HSPG2: variants seen among roughly 807,000 people sequenced by gnomAD.
The protein encoded by HSPG2 is basement membrane-specific heparan sulfate proteoglycan core protein.
In HSPG2, 278 loss-of-function variants were observed where a neutral mutation model predicts 526.6. The observed-to-expected ratio is 0.53, with a 90% CI of 0.48 to 0.58. HSPG2 has a LOEUF of 0.58. HSPG2 is among the 20% of genes least tolerant of loss of function. The pLI, the probability that HSPG2 is intolerant of heterozygous loss-of-function variation, is 0.00. For synonymous variants in HSPG2, 2,465 were observed against 2,555.4 expected (o/e 0.96, Z 1.07); for missense variants, 5,354 against 6,099.5 (o/e 0.88, Z 4.07).
At position 21,880,223 on chromosome 1, in the gene HSPG2, C is replaced by T. The variant is rs2152753793; in HGVS notation, c.2227G>A (p.Glu743Lys). Residue 743 changes from glutamate to lysine, a missense_variant, in exon 17 of 97, where the codon GAG (glutamate) becomes AAG (lysine). Glu to Lys is a moderately conservative substitution (Grantham distance 56). Transcript: ENST00000374695. ...CGAGTGAAGTGGGCATCACAGCTCT[C>T]GCAGGACAAGCCAGAATAGCCAATG... is the stretch of plus-strand genomic sequence containing the variant. Reference protein sequence around the residue: ...CPIGYSGLSCESCDAHFTRVP... With the variant: ...CPIGYSGLSCKSCDAHFTRVP... 6.2e-7 allele frequency: 1 copy of T among 1,614,160 alleles called. No individual in the cohort carries two copies. The highest frequency in any genetic ancestry group is 8.5e-7 in the Non-Finnish European group (1 of 1,180,042).
At chr1:21,825,786 TTTTA>T (rs149602232) in intron 91 of HSPG2, among the ~76,000 whole-genome samples, 7,607 of 152,202 alleles carry the variant, frequency 0.05, 249 homozygotes, top group South Asian at 0.097. Context: ...ATAATTTTTA[TTTTA>T]TTTATTTATT....
intron 1 of HSPG2, among the ~76,000 whole-genome samples, chr1:21,931,965 C>T (rs899650666): frequency 6.6e-6 from 1 of 152,194 alleles, no homozygotes; most frequent in African/African-American, 2.4e-5. Flanking sequence ...GCCTGGCCCA[C>T]TCAGGCCTAA....
At chr1:21,931,462 C>G (rs1054750778) in intron 1 of HSPG2, among the ~76,000 whole-genome samples, 1 of 152,172 alleles carries the variant, frequency 6.6e-6, no homozygotes, top group Non-Finnish European at 1.5e-5. Context: ...TTGGCAGGAG[C>G]AGGAGCGAGA....
Position 21,831,051 on chromosome 1 carries a change from C to A in HSPG2, c.11602G>T (p.Val3868Leu), listed in dbSNP as rs368497178. Residue 3868 changes from valine (V) to leucine (L), a missense_variant, in exon 85 of 97, where the codon GTG becomes TTG. Coordinates refer to ENST00000374695, the MANE Select transcript of HSPG2 (RefSeq NM_005529.7). ...GTGAAGCCAGCTGGGCAGACGCACA[C>A]GTAGCTGCTGCTCTCAGAGTCATGG... ...QCHDSESSSY[V>L]CVCPAGFTGS... 3.1e-6 allele frequency: 5 copies of A among 1,592,838 alleles called. No individual in the cohort carries two copies. In the African/African-American group the frequency reaches 5.4e-5, roughly 17 times the overall value.
intron 1 of HSPG2, among the ~76,000 whole-genome samples, chr1:21,928,663 G>A (rs528081417): frequency 5.9e-5 from 9 of 152,130 alleles, no homozygotes; most frequent in Non-Finnish European, 1.0e-4. Flanking sequence ...GGCTGGTCTC[G>A]AACTCCTGAC....
At chr1:21,835,983 C>CAAAAA (rs71569851) in intron 75 of HSPG2, among the ~76,000 whole-genome samples, 4 of 75,754 alleles carry the variant, frequency 5.3e-5, no homozygotes, top group African/African-American at 9.0e-5. Context: ...GATTCCATCT[C>CAAAAA]AAAAAAAAAA....
chr1:21,889,887 T>C (rs1162497491), intron 6 of HSPG2, 94 bp downstream of exon 6: 1 of 1,255,404 alleles, frequency 8.0e-7, no homozygotes, highest in Non-Finnish European at 1.2e-6. Flanking sequence ...TTTCTAGTGG[T>C]GTGCAAGCCC....
chr1:21,864,746 A>T lies in HSPG2; in HGVS notation c.4626+97T>A. On this transcript the variant is annotated intron_variant, in intron 36 of 96. Transcript: ENST00000374695. The surrounding 1 kb of genome is among the most constrained non-coding windows in gnomAD (Gnocchi z 4.8). ...AGGGCCCAGATGCAGGGGTCATTAT[A>T]GTTATGATGGTAATCAAGGCTGCGG... 1.0e-6 allele frequency: 1 copy of T among 980,356 alleles called. No homozygotes were observed. The highest frequency in any genetic ancestry group is 1.6e-6 in the Non-Finnish European group (1 of 634,650). 60.7% of individuals were successfully genotyped at this position (980,356 alleles called of 1,614,324 possible).
At chr1:21,860,760 T>C (rs1416649481) in intron 39 of HSPG2, among the ~76,000 whole-genome samples, 2 of 152,100 alleles carry the variant, frequency 1.3e-5, no homozygotes, top group East Asian at 3.9e-4. Context: ...GCTGGGATTA[T>C]AGGCATGAGC....
rs2097955771 is a variant in HSPG2, at chr1:21,822,962, T to C, written c.*354A>G. Reference sequence around the variant, plus strand: ...GGTTGGCTCTCCTAGGAGTGAGAACTGCCCAAGGGCTGCAGAAACAGGCCA... The same window carrying C: ...GGTTGGCTCTCCTAGGAGTGAGAACCGCCCAAGGGCTGCAGAAACAGGCCA... On this transcript the variant is annotated 3_prime_UTR_variant, in exon 97 of 97. Coordinates refer to ENST00000374695, the MANE Select transcript of HSPG2 (RefSeq NM_005529.7). 2 of 206,598 alleles carry C rather than the reference T, an allele frequency of 9.7e-6. No individual in the cohort carries two copies. The highest frequency in any genetic ancestry group is 1.3e-4 in the South Asian group (1 of 7,518). The allele number at this position is 206,598 out of a possible 1,614,324, so 12.8% of individuals were successfully genotyped here. A position where few individuals can be genotyped will look rare whatever the true frequency, so the allele number is the denominator to read the frequency against.
intron 1 of HSPG2, among the ~76,000 whole-genome samples, chr1:21,897,587 C>T (rs1642842079): frequency 6.6e-6 from 1 of 152,182 alleles, no homozygotes; most frequent in African/African-American, 2.4e-5. Context: ...CCTCCTCCAC[C>T]TACTCAGGAA....
In HSPG2 at chr1:21,831,779, C is replaced by T. The variant is rs757944521; in HGVS notation, c.11225G>A (p.Gly3742Asp). ...TGTGGGATGGCGGATGGTGGCCATG[C>T]CTGAGCCTGCATCGAACCTGCTCCG... is the stretch of plus-strand genomic sequence containing the variant. ...RPEFRFDAGS[G>D]MATIRHPTPL... Residue 3742 changes from glycine to aspartate, a missense_variant, in exon 82 of 97, where the codon GGC becomes GAC. Transcript: ENST00000374695. 1.1e-5 allele frequency: 18 copies of T among 1,601,808 alleles called. No individual in the cohort carries two copies. The highest frequency in any genetic ancestry group is 1.5e-5 in the Non-Finnish European group (18 of 1,171,858).
At chr1:21,878,373 G>C (rs746239400) in intron 20 of HSPG2, 60 bp downstream of exon 20, 1 of 1,580,644 alleles carries the variant, frequency 6.3e-7, no homozygotes, top group Non-Finnish European at 8.6e-7. Context: ...AGGGTGCCTG[G>C]TGTGCAGCCC....
At chr1:21,868,904 C>T (rs777086872) in intron 33 of HSPG2, 36 of 980,792 alleles carry the variant, frequency 3.7e-5, no homozygotes, top group Admixed American at 1.2e-4. Flanking sequence ...CAGGAAGGCC[C>T]GGGGCAGCTG....
At position 21,848,555 on chromosome 1, in the gene HSPG2, GCA is replaced by G. The variant is rs372315735; in HGVS notation, c.7737+86_7737+87del. On this transcript the variant is annotated intron_variant, in intron 59 of 96. Transcript: ENST00000374695. The surrounding 1 kb of genome is among the most constrained non-coding windows in gnomAD (Gnocchi z 4.9). ...CAATGTTTGTTGAATGACTGAATGA[GCA>G]CAGAGTGAGGTGCTGAGAGTCCCCC... 5.5e-5 allele frequency: 79 copies of G among 1,432,528 alleles called. 1 individual carries two copies. The African/African-American group carries it at 8.4e-4, about 15-fold the overall frequency. 88.7% of individuals were successfully genotyped at this position (1,432,528 alleles called of 1,614,324 possible). A position where few individuals can be genotyped will look rare whatever the true frequency, so the allele number is the denominator to read the frequency against.
chr1:21,870,556 T>C (rs1444304097), intron 33 of HSPG2, among the ~76,000 whole-genome samples: 1 of 152,188 alleles, frequency 6.6e-6, no homozygotes, highest in African/African-American at 2.4e-5. Context: ...GGGGGCTAGA[T>C]ACAGTCATGT....
intron 1 of HSPG2, among the ~76,000 whole-genome samples, chr1:21,931,883 T>C (rs545192596): frequency 3.3e-5 from 5 of 152,004 alleles, no homozygotes; most frequent in African/African-American, 1.2e-4. Flanking sequence ...ACCAGGAGGG[T>C]GTTCTTCCCC....
At chr1:21,929,362 G>A (rs1449175167) in intron 1 of HSPG2, among the ~76,000 whole-genome samples, 1 of 152,112 alleles carries the variant, frequency 6.6e-6, no homozygotes, top group Non-Finnish European at 1.5e-5. Flanking sequence ...ATGTGAGCCA[G>A]TCCAACCCCC....
chr1:21,855,139 G>C (rs1324186692), intron 47 of HSPG2, among the ~76,000 whole-genome samples, 156 bp from the exon 48 acceptor site: 2 of 152,138 alleles, frequency 1.3e-5, no homozygotes. Context: ...CCAAGAGGAC[G>C]GCAGGGGCTC....
Sources: gnomAD v4.1 joint callset for allele counts (sites outside exome capture counted in the v4.1 genomes callset) on GRCh38, gnomAD v4.1.1 for gene constraint, Gnocchi (gnomAD v3.1) non-coding constraint, MANE v1.5 for transcripts, NCBI Gene and HGNC (gene_info 2026-07-23, HGNC 2026-07-21) for gene names.